ESR1: variants seen among roughly 807,000 people sequenced by gnomAD.
ESR1 encodes the protein estrogen receptor.
ESR1 carries 12 observed loss-of-function variants against 52.7 expected under a neutral mutation model. The observed-to-expected ratio is 0.23, with a 90% CI of 0.15 to 0.37. The LOEUF is 0.37. Ranked by LOEUF, ESR1 falls within the 10% of genes least tolerant of loss-of-function variation. The probability of loss-of-function intolerance (pLI) is 1.00; values close to 1 mark genes in which losing one functional copy is unlikely to be tolerated. For missense variants in ESR1, 584 were observed against 779.7 expected (o/e 0.75, Z 2.99); for synonymous variants, 305 against 316.8 (o/e 0.96, Z 0.39).
intron 2 of ESR1, among the ~76,000 whole-genome samples, chr6:151,789,353 T>C (rs1787312358): frequency 6.6e-6 from 1 of 152,256 alleles, no homozygotes; most frequent in South Asian, 2.1e-4. Context: ...AGTTTCATAA[T>C]GAACATGTAT....
chr6:152,054,097 T>C (rs367673898), intron 5 of ESR1, among the ~76,000 whole-genome samples: 1 of 152,104 alleles, frequency 6.6e-6, no homozygotes, highest in Admixed American at 6.6e-5. Flanking sequence ...ACTCATCAAA[T>C]TGATATATTT....
intron 4 of ESR1, among the ~76,000 whole-genome samples, chr6:152,007,736 T>C (rs756419727): frequency 6.6e-6 from 1 of 152,108 alleles, no homozygotes; most frequent in African/African-American, 2.4e-5. Flanking sequence ...CCCCATGTCA[T>C]TGAGATGGAG....
chr6:151,885,339 C>T (rs1793662091), intron 3 of ESR1, among the ~76,000 whole-genome samples: 1 of 152,142 alleles, frequency 6.6e-6, no homozygotes, highest in African/African-American at 2.4e-5. Context: ...GAGTCTAGAG[C>T]TTTAAACAAC....
At chr6:151,743,806 C>T (rs1783279386) in intron 2 of ESR1, among the ~76,000 whole-genome samples, 1 of 152,142 alleles carries the variant, frequency 6.6e-6, no homozygotes, top group Admixed American at 6.5e-5. Context: ...CTAAAATGTA[C>T]AGTCTGGTAG....
intron 2 of ESR1, among the ~76,000 whole-genome samples, chr6:151,774,809 A>G (rs1283489018): frequency 6.6e-6 from 1 of 152,258 alleles, no homozygotes; most frequent in Non-Finnish European, 1.5e-5. Flanking sequence ...ACTTGAAGAC[A>G]CCATTAAATA....
chr6:151,785,684 G>T (rs1223300302), intron 2 of ESR1, among the ~76,000 whole-genome samples: 1 of 152,148 alleles, frequency 6.6e-6, no homozygotes, highest in Non-Finnish European at 1.5e-5. Flanking sequence ...GACACATGAG[G>T]CCATGACTCT....
chr6:152,108,889 T>C (rs2051098719), intron 6 of ESR1, among the ~76,000 whole-genome samples: 2 of 152,250 alleles, frequency 1.3e-5, no homozygotes, highest in Non-Finnish European at 2.9e-5. Context: ...AAGAAATACC[T>C]GAGCCTGGGT....
At chr6:152,047,160 C>T (rs1411466150) in intron 5 of ESR1, among the ~76,000 whole-genome samples, 4 of 152,046 alleles carry the variant, frequency 2.6e-5, no homozygotes, top group Admixed American at 1.3e-4. Context: ...TCTAGTAGAA[C>T]ATACTACAGT....
intron 4 of ESR1, among the ~76,000 whole-genome samples, chr6:151,969,582 G>A (rs191263787): frequency 6.6e-6 from 1 of 152,148 alleles, no homozygotes; most frequent in Non-Finnish European, 1.5e-5. Flanking sequence ...GCAGTGCTGT[G>A]GCTGTGGTGG....
chr6:152,126,833 A>C (rs535442842), exon 7 of ESR1: 11 of 152,372 alleles, frequency 7.2e-5, no homozygotes, highest in Admixed American at 6.5e-4. Context: ...GGTATGACTC[A>C]CTTTGAAAAT....
intron 1 of ESR1, among the ~76,000 whole-genome samples, chr6:151,818,720 C>T (rs979940325): frequency 6.6e-6 from 1 of 152,064 alleles, no homozygotes; most frequent in African/African-American, 2.4e-5. Flanking sequence ...AGGAGTTCCT[C>T]ATTGGTTTTT....
At chr6:151,817,636 G>A (rs1779882040) in intron 1 of ESR1, among the ~76,000 whole-genome samples, 1 of 152,246 alleles carries the variant, frequency 6.6e-6, no homozygotes, top group East Asian at 1.9e-4. Flanking sequence ...ATACAAAGAA[G>A]GTAGATTGAA....
intron 4 of ESR1, among the ~76,000 whole-genome samples, chr6:151,979,142 G>A (rs1407415603): frequency 6.6e-6 from 1 of 152,068 alleles, no homozygotes; most frequent in East Asian, 1.9e-4. Flanking sequence ...CTAGATTAGG[G>A]TCCACCTAAT....
At chr6:152,069,854 C>T (rs9341029) in intron 6 of ESR1, among the ~76,000 whole-genome samples, 4,732 of 137,360 alleles carry the variant, frequency 0.034, 1,447 homozygotes, top group African/African-American at 0.15. Flanking sequence ...ACCCAGGCAG[C>T]TGGGGACCTC....
At chr6:151,928,503 A>T (rs990435155) in intron 3 of ESR1, among the ~76,000 whole-genome samples, 1 of 152,118 alleles carries the variant, frequency 6.6e-6, no homozygotes, top group South Asian at 2.1e-4. Flanking sequence ...GAATGCATGC[A>T]TATTACTTTT....
intron 2 of ESR1, among the ~76,000 whole-genome samples, chr6:151,769,316 T>C (rs1242076001): frequency 1.3e-5 from 2 of 152,176 alleles, no homozygotes; most frequent in African/African-American, 4.8e-5. Flanking sequence ...AATGTTCACT[T>C]TTATTTCTGA....
chr6:151,807,013 G>A (rs753503925), upstream of ESR1, among the ~76,000 whole-genome samples: 2 of 152,144 alleles, frequency 1.3e-5, no homozygotes, highest in Non-Finnish European at 2.9e-5. Context: ...GGTTGTGGAA[G>A]GGTCTATCTA....
chr6:151,928,009 C>T (rs929331925), intron 3 of ESR1, among the ~76,000 whole-genome samples: 1 of 152,136 alleles, frequency 6.6e-6, no homozygotes, highest in Non-Finnish European at 1.5e-5. Flanking sequence ...CAGGCGTGAG[C>T]CACCGTGCCC....
chr6:151,797,356 A>G (rs1021093561), intron 2 of ESR1, among the ~76,000 whole-genome samples: 1 of 152,374 alleles, frequency 6.6e-6, no homozygotes, highest in South Asian at 2.1e-4. Flanking sequence ...CCAGCATGCC[A>G]GAAGGGGTCA....
Sources: allele counts gnomAD v4.1 joint callset (sites outside exome capture counted in the v4.1 genomes callset), GRCh38; gene constraint gnomAD v4.1.1; transcripts MANE v1.5; gene names NCBI Gene and HGNC (gene_info 2026-07-23, HGNC 2026-07-21).